Variants in RP1 observed in about 807,000 individuals in gnomAD.
The protein encoded by RP1 is RP1 axonemal microtubule associated, also known as oxygen-regulated protein 1.
In RP1, 16 loss-of-function variants were observed where a neutral mutation model predicts 14.8. The ratio of observed to expected loss-of-function variants is 1.08; its 90% CI spans 0.73 to 1.65. The LOEUF is 1.65. Among genes scored for constraint, RP1 ranks in the 40% most tolerant of loss-of-function variants. The pLI is 0.00. For synonymous variants in RP1, 876 were observed against 883.6 expected (o/e 0.99, Z 0.15); for missense variants, 2,631 against 2,535.0 (o/e 1.04, Z -0.81).
chr8:54,633,508 C>T (rs943613589), downstream of RP1, among the ~76,000 whole-genome samples: 2 of 152,014 alleles, frequency 1.3e-5, no homozygotes, highest in African/African-American at 2.4e-5. Context: ...CATTAAAGTT[C>T]TTATGAAGAG....
chr8:54,823,951 A>G (rs999437836), intron 24 of RP1, among the ~76,000 whole-genome samples: 1 of 152,192 alleles, frequency 6.6e-6, no homozygotes, highest in African/African-American at 2.4e-5. Context: ...CAAGCATTTG[A>G]TAGTCACTAA....
At chr8:54,623,317 A>G (rs1805932523) in intron 3 of RP1, among the ~76,000 whole-genome samples, 1 of 152,144 alleles carries the variant, frequency 6.6e-6, no homozygotes, top group African/African-American at 2.4e-5. Flanking sequence ...GGCTTTGTTA[A>G]GTTTTCTTCA....
chr8:54,862,622 G>T (rs544618915), intron 27 of RP1, among the ~76,000 whole-genome samples: 42 of 152,230 alleles, frequency 2.8e-4, no homozygotes, highest in African/African-American at 9.4e-4. Flanking sequence ...CAGCCATCAG[G>T]GACCAGGTCC....
At chr8:54,777,035 T>G (rs1810058983) in intron 23 of RP1, among the ~76,000 whole-genome samples, 1 of 152,232 alleles carries the variant, frequency 6.6e-6, no homozygotes, top group African/African-American at 2.4e-5. Flanking sequence ...CACCACTTAC[T>G]CACTGCATGG....
intron 19 of RP1, among the ~76,000 whole-genome samples, chr8:54,750,714 A>G (rs970301155): frequency 1.0e-3 from 25 of 24,522 alleles, no homozygotes; most frequent in African/African-American, 7.9e-3. Context: ...TTAGTGCTCT[A>G]TAAAAACGCA....
chr8:54,830,820 T>C (rs1327427082), intron 24 of RP1, among the ~76,000 whole-genome samples: 1 of 152,130 alleles, frequency 6.6e-6, no homozygotes, highest in Non-Finnish European at 1.5e-5. Context: ...ATTTTCATCA[T>C]GCCAAAAGAA....
intron 25 of RP1, among the ~76,000 whole-genome samples, chr8:54,839,142 G>C (rs1811733733): frequency 6.6e-6 from 1 of 152,054 alleles, no homozygotes; most frequent in Admixed American, 6.6e-5. Flanking sequence ...TTATATTACT[G>C]GCCCTACTTG....
At chr8:54,734,484 A>C (rs990957142) in intron 17 of RP1, 1 of 1,451,914 alleles carries the variant, frequency 6.9e-7, no homozygotes, top group East Asian at 2.5e-5. Flanking sequence ...CCAGTGTGAC[A>C]AAGGATTCTG....
At chr8:54,648,853 G>T in intron 3 of RP1, 1 of 510,862 alleles carries the variant, frequency 2.0e-6, no homozygotes, top group Non-Finnish European at 3.3e-6. Context: ...TTCTGTTATG[G>T]CACTTTTTCA....
intron 24 of RP1, among the ~76,000 whole-genome samples, chr8:54,813,158 C>T (rs6998886): frequency 0.31 from 46,747 of 152,106 alleles, 7,410 homozygotes; most frequent in South Asian, 0.37. Flanking sequence ...TCGAGCAGTT[C>T]CCGAAGTCTA....
intron 24 of RP1, among the ~76,000 whole-genome samples, chr8:54,796,394 G>A (rs1810577480): frequency 6.6e-6 from 1 of 152,142 alleles, no homozygotes; most frequent in Non-Finnish European, 1.5e-5. Context: ...GACAGTTATA[G>A]GTTGAATTGT....
intron 23 of RP1, chr8:54,783,524 T>C (rs1810240157): frequency 4.1e-6 from 5 of 1,205,850 alleles, no homozygotes; most frequent in Non-Finnish European, 4.1e-6. Context: ...TACTTTTATA[T>C]TGATCTCCTT....
chr8:54,694,053 C>G (rs1807790413), intron 12 of RP1, among the ~76,000 whole-genome samples: 1 of 152,108 alleles, frequency 6.6e-6, no homozygotes, highest in Non-Finnish European at 1.5e-5. Context: ...TGCCAAAGGC[C>G]TTTTCTGCAT....
intron 26 of RP1, among the ~76,000 whole-genome samples, chr8:54,855,852 C>T (rs1812181857): frequency 6.6e-6 from 1 of 151,856 alleles, no homozygotes; most frequent in Non-Finnish European, 1.5e-5. Context: ...ATTGATTCAC[C>T]TGTGGAGCAC....
intron 19 of RP1, among the ~76,000 whole-genome samples, chr8:54,749,758 G>A (rs1809313413): frequency 6.6e-6 from 1 of 152,100 alleles, no homozygotes; most frequent in Non-Finnish European, 1.5e-5. Context: ...AGTGATCTAG[G>A]GACCCAGGAG....
At chr8:54,870,202 A>C in exon 29 of RP1, 1 of 315,608 alleles carries the variant, frequency 3.2e-6, no homozygotes, top group African/African-American at 2.2e-5. Flanking sequence ...CTCTTCCTTC[A>C]CCTTTTCTTT....
chr8:54,624,706 T>C lies in RP1; in HGVS notation c.824T>C (p.Ile275Thr). 6.2e-7 allele frequency: 1 copy of C among 1,613,986 alleles called. No homozygotes were observed. Among genetic ancestry groups the C allele is most frequent in the Middle Eastern group, 1.7e-4 (1 of 6,060 alleles). ...ATGTCTTCAAGCTCAAGGTCCCAGATTTATTCTGTTTCTTCTGAGAAAACA... is the reference window on the plus strand; with the variant it reads ...ATGTCTTCAAGCTCAAGGTCCCAGACTTATTCTGTTTCTTCTGAGAAAACA... ...THMSSSSRSQ[I>T]YSVSSEKTHN... Residue 275 changes from isoleucine (I) to threonine (T), a missense_variant, in exon 4 of 4, where the codon ATT becomes ACT. Transcript: ENST00000220676.
At chr8:54,803,435 T>C (rs1280485535) in intron 24 of RP1, among the ~76,000 whole-genome samples, 1 of 152,180 alleles carries the variant, frequency 6.6e-6, no homozygotes, top group Non-Finnish European at 1.5e-5. Flanking sequence ...TTTGACTCTG[T>C]AACAGTTGAT....
At chr8:54,678,545 G>A in intron 9 of RP1, 1 of 1,530,860 alleles carries the variant, frequency 6.5e-7, no homozygotes, top group Non-Finnish European at 8.7e-7. Flanking sequence ...AGGTTTGTAG[G>A]TGTACTTTTA....
Sources: gnomAD v4.1 joint callset for allele counts (sites outside exome capture counted in the v4.1 genomes callset) on GRCh38, gnomAD v4.1.1 for gene constraint, MANE v1.5 for transcripts, NCBI Gene and HGNC (gene_info 2026-07-23, HGNC 2026-07-21) for gene names.